Variants in PEX7 observed in about 807,000 individuals in gnomAD.
PEX7 encodes the protein peroxisomal biogenesis factor 7.
In PEX7, 34 loss-of-function variants were observed where a neutral mutation model predicts 47.5. The observed-to-expected ratio is 0.72, with a 90% confidence interval of 0.54 to 0.95. The LOEUF is 0.95. PEX7 is among the 40% of genes least tolerant of loss of function. The pLI is 0.00. For synonymous variants in PEX7, 141 were observed against 148.8 expected, an observed-to-expected ratio of 0.95 and a Z score of 0.38; for missense variants, 394 against 400.3, an observed-to-expected ratio of 0.98 and a Z score of 0.13.
chr6:136,824,644 C>G (rs763476306), intron 1 of PEX7, among the ~76,000 whole-genome samples: 1 of 152,210 alleles, frequency 6.6e-6, no homozygotes, highest in Non-Finnish European at 1.5e-5. Flanking sequence ...AATACAATGG[C>G]CCTTTGGTAA....
chr6:136,890,862 G>T (rs1035115337), intron 8 of PEX7, among the ~76,000 whole-genome samples: 3 of 152,128 alleles, frequency 2.0e-5, no homozygotes, highest in Non-Finnish European at 4.4e-5. Flanking sequence ...TTTTGCTCTA[G>T]GTGGGTGCAT....
intron 3 of PEX7, among the ~76,000 whole-genome samples, chr6:136,833,836 A>G (rs948005044): frequency 1.3e-5 from 2 of 152,328 alleles, no homozygotes; most frequent in Non-Finnish European, 2.9e-5. Context: ...TTTATATTTT[A>G]AAGTTTAGAC....
intron 8 of PEX7, among the ~76,000 whole-genome samples, chr6:136,888,175 T>C (rs1775499502): frequency 6.6e-6 from 1 of 152,064 alleles, no homozygotes. Context: ...TAGTCCCCGT[T>C]ACCAACAAAA....
intron 8 of PEX7, among the ~76,000 whole-genome samples, chr6:136,878,891 A>T (rs1582766157): frequency 6.7e-6 from 1 of 150,024 alleles, no homozygotes; most frequent in Admixed American, 6.6e-5. Flanking sequence ...ATTTTTTTTG[A>T]CATTTAGGTA....
At chr6:136,887,611 TAG>T (rs1308904941) in intron 8 of PEX7, among the ~76,000 whole-genome samples, 1 of 150,414 alleles carries the variant, frequency 6.6e-6, no homozygotes, top group East Asian at 1.9e-4. Flanking sequence ...TGCGTATGTG[TAG>T]AGAGAGAAAG....
chr6:136,899,275 C>T lies in PEX7; in HGVS notation c.903+1034C>T, dbSNP rs183636028. ...TTTTTTTTTTTTGACAGAGTTTTTG[C>T]TCTGTTGCCCAGGCTGGAGTGCAGT... On this transcript the variant is annotated intron_variant, in intron 9 of 9. Coordinates refer to ENST00000318471, the MANE Select transcript of PEX7 (RefSeq NM_000288.4). 2.7e-5 allele frequency among the ~76,000 whole-genome samples: 4 copies of T among 150,504 alleles called. No homozygotes were observed. The East Asian group carries it at 7.8e-4, about 29-fold the overall frequency.
intron 8 of PEX7, among the ~76,000 whole-genome samples, chr6:136,888,512 G>A (rs1186588750): frequency 6.6e-6 from 1 of 152,074 alleles, no homozygotes. Flanking sequence ...CTTTAGAAAA[G>A]CATCTTAATG....
intron 3 of PEX7, among the ~76,000 whole-genome samples, chr6:136,842,994 ATGT>A (rs1774529198): frequency 6.6e-6 from 1 of 152,218 alleles, no homozygotes; most frequent in Non-Finnish European, 1.5e-5. Flanking sequence ...CTAGGCCCAA[ATGT>A]AGCTCCAGTA....
At chr6:136,855,756 A>G in intron 5 of PEX7, 1 of 396,686 alleles carries the variant, frequency 2.5e-6, no homozygotes, top group African/African-American at 2.1e-5. Context: ...CCTGAGTTTT[A>G]AAAAGGATAT....
chr6:136,825,066 C>A, intron 1 of PEX7, 148 bp from the exon 2 acceptor site: 1 of 696,514 alleles, frequency 1.4e-6, no homozygotes, highest in South Asian at 1.6e-5. Flanking sequence ...AGAAATTGAT[C>A]ACCTGACCAT....
chr6:136,856,114 C>T (rs146240419), intron 5 of PEX7, among the ~76,000 whole-genome samples: 6 of 152,196 alleles, frequency 3.9e-5, no homozygotes, highest in African/African-American at 1.4e-4. Context: ...AATCACAACA[C>T]TTCACTTTTC....
At chr6:136,908,638 C>T (rs1775882801) in intron 9 of PEX7, among the ~76,000 whole-genome samples, 1 of 152,048 alleles carries the variant, frequency 6.6e-6, no homozygotes, top group African/African-American at 2.4e-5. Flanking sequence ...CCTTGAGTGT[C>T]CACATGCACA....
At chr6:136,855,145 T>C (rs2115190416) in intron 5 of PEX7, among the ~76,000 whole-genome samples, 1 of 151,998 alleles carries the variant, frequency 6.6e-6, no homozygotes, top group East Asian at 1.9e-4. Flanking sequence ...AAGACTTACC[T>C]GCTGGGAGCT....
chr6:136,826,445 A>T lies in PEX7; in HGVS notation c.315A>T (p.Gln105His), dbSNP rs767901695. The T allele has an allele frequency of 3.8e-5, 62 of 1,613,908 alleles. No homozygotes were observed. Among genetic ancestry groups the T allele is most frequent in the Non-Finnish European group, 3.7e-5 (44 of 1,180,024 alleles). ...WDTAKAAGPLQVYKEHAQEVY... is the reference protein window; with the variant it reads ...WDTAKAAGPLHVYKEHAQEVY... ...CTGCCAAAGCTGCAGGGCCACTGCAAGTCTATAAAGAACACGCTCAGGAGG... is the reference window on the plus strand; with the variant it reads ...CTGCCAAAGCTGCAGGGCCACTGCATGTCTATAAAGAACACGCTCAGGAGG... Residue 105 changes from glutamine (Q) to histidine (H), a missense_variant, in exon 3 of 10, where the codon CAA (glutamine) becomes CAT (histidine). Gln to His is a conservative substitution (Grantham distance 24, BLOSUM62 0). Coordinates refer to ENST00000318471, the MANE Select transcript of PEX7 (RefSeq NM_000288.4).
At chr6:136,899,824 A>T (rs890109508) in intron 9 of PEX7, among the ~76,000 whole-genome samples, 1 of 152,240 alleles carries the variant, frequency 6.6e-6, no homozygotes, top group Non-Finnish European at 1.5e-5. Flanking sequence ...GATGAGTGAA[A>T]TGGCATTTTT....
At chr6:136,876,750 T>G (rs1346912294) in intron 8 of PEX7, among the ~76,000 whole-genome samples, 1 of 152,246 alleles carries the variant, frequency 6.6e-6, no homozygotes, top group Admixed American at 6.5e-5. Context: ...GATGGGCATT[T>G]GGGTTGGTTC....
At chr6:136,895,826 T>C (rs1775638503) in intron 8 of PEX7, among the ~76,000 whole-genome samples, 1 of 152,094 alleles carries the variant, frequency 6.6e-6, no homozygotes, top group South Asian at 2.1e-4. Context: ...CACCAAAGAG[T>C]TTCAGCATGT....
intron 8 of PEX7, among the ~76,000 whole-genome samples, chr6:136,895,405 T>C (rs2115268954): frequency 6.6e-6 from 1 of 152,344 alleles, no homozygotes; most frequent in Non-Finnish European, 1.5e-5. Flanking sequence ...TTTTAAATTA[T>C]GCATATTAAT....
At chr6:136,846,243 A>G in intron 5 of PEX7, 62 bp downstream of exon 5, 1 of 947,938 alleles carries the variant, frequency 1.1e-6, no homozygotes. Flanking sequence ...TGTTTTTACC[A>G]TTAGGTGGCG....
Sources: allele counts gnomAD v4.1 joint callset (sites outside exome capture counted in the v4.1 genomes callset), GRCh38; gene constraint gnomAD v4.1.1; transcripts MANE v1.5; gene names NCBI Gene and HGNC (gene_info 2026-07-23, HGNC 2026-07-21).